The following PNPLA1 variants were observed in gnomAD, a reference collection of about 807,000 sequenced individuals.
The protein encoded by PNPLA1 is patatin like domain 1, omega-hydroxyceramide transacylase, also known as omega-hydroxyceramide transacylase.
PNPLA1 carries 36 observed loss-of-function variants against 51.7 expected under a neutral mutation model. That is an observed-to-expected ratio of 0.70 (90% CI 0.53 to 0.92). The LOEUF (loss-of-function observed/expected upper bound fraction) is 0.92. Among genes scored for constraint, PNPLA1 ranks in the 40% least tolerant of loss-of-function variants. The pLI, the probability that PNPLA1 is intolerant of heterozygous loss-of-function variation, is 0.00. For synonymous variants in PNPLA1, 293 were observed against 280.1 expected, an observed-to-expected ratio of 1.05 and a Z score of -0.46; for missense variants, 658 against 682.5, an observed-to-expected ratio of 0.96 and a Z score of 0.40.
At chr6:36,297,773 C>T (rs1770902706) in intron 5 of PNPLA1, among the ~76,000 whole-genome samples, 1 of 152,144 alleles carries the variant, frequency 6.6e-6, no homozygotes, top group Non-Finnish European at 1.5e-5. Context: ...ATCCATCCGG[C>T]ATTCAGGCAT....
intron 6 of PNPLA1, among the ~76,000 whole-genome samples, chr6:36,303,308 T>C (rs1429572179): frequency 1.3e-5 from 2 of 152,188 alleles, no homozygotes; most frequent in Non-Finnish European, 2.9e-5. Flanking sequence ...TTAGCCAGGA[T>C]GGTCTCAATC....
Position 36,294,034 on chromosome 6 carries a change from A to G in PNPLA1, c.505-156A>G, listed in dbSNP as rs1158934031. On this transcript the variant is annotated intron_variant, in intron 3 of 8. Transcript: ENST00000636260. The surrounding 1 kb of genome is among the most constrained non-coding windows in gnomAD (Gnocchi z 4.2). The stretch of plus-strand genomic sequence containing the variant: ...ACCAGGGGCACACCACGCACCCACC[A>G]GGACCTCCGTCTCCAGGCTTATCCT... 1.2e-5 allele frequency: 10 copies of G among 834,068 alleles called. No individual in the cohort carries two copies. The South Asian group carries it at 1.2e-4, about 10-fold the overall frequency. The allele number at this position is 834,068 out of a possible 1,614,324, so 51.7% of individuals were successfully genotyped here. A position where few individuals can be genotyped will look rare whatever the true frequency, so the allele number is the denominator to read the frequency against.
At chr6:36,266,815 G>A (rs1223051047), upstream of PNPLA1, among the ~76,000 whole-genome samples, 1 of 152,194 alleles carries the variant, frequency 6.6e-6, no homozygotes. Flanking sequence ...AGGTGACATC[G>A]TTTTGGCAAG....
intron 1 of PNPLA1, among the ~76,000 whole-genome samples, chr6:36,260,732 T>C (rs561664940): frequency 9.9e-5 from 15 of 152,234 alleles, no homozygotes; most frequent in African/African-American, 3.6e-4. Flanking sequence ...ATCATACAGA[T>C]GAATCCACAT....
chr6:36,247,013 C>A (rs1769304212), intron 1 of PNPLA1, among the ~76,000 whole-genome samples: 1 of 152,216 alleles, frequency 6.6e-6, no homozygotes, highest in Non-Finnish European at 1.5e-5. Flanking sequence ...CGTCCTCTCT[C>A]CAGCTCCTCC....
intron 1 of PNPLA1, among the ~76,000 whole-genome samples, chr6:36,262,983 T>C (rs149924355): frequency 6.6e-6 from 1 of 152,378 alleles, no homozygotes; most frequent in Non-Finnish European, 1.5e-5. Flanking sequence ...CCTGCAAGTA[T>C]TGATTTTTAA....
intron 1 of PNPLA1, among the ~76,000 whole-genome samples, chr6:36,257,951 A>G (rs1404563353): frequency 1.3e-5 from 2 of 152,172 alleles, no homozygotes; most frequent in Non-Finnish European, 2.9e-5. Flanking sequence ...TCAAACTGAA[A>G]ATGCTCTTCC....
intron 1 of PNPLA1, among the ~76,000 whole-genome samples, chr6:36,247,527 C>T (rs114060489): frequency 0.013 from 2,011 of 152,300 alleles, 42 homozygotes; most frequent in African/African-American, 0.045. Flanking sequence ...ATATCTGGTA[C>T]ATAGTAAGTG....
chr6:36,293,119 G>A lies in PNPLA1; in HGVS notation c.497G>A (p.Arg166His), dbSNP rs376317666. The change falls in exon 3 of 9, where the codon CGC becomes CAC. Residue 166 changes from arginine (R) to histidine (H), a missense_variant. Coordinates refer to ENST00000636260, the MANE Select transcript of PNPLA1 (RefSeq NM_001374623.1). ...TGTGGCCTCATCCCCCCGACTTACCGCGGTGTGGTGAGTGCTTCGGCATGG... is the reference window on the plus strand; with the variant it reads ...TGTGGCCTCATCCCCCCGACTTACCACGGTGTGGTGAGTGCTTCGGCATGG... ...VYCGLIPPTY[R>H]GVRYIDGGFT... 1.7e-5 allele frequency: 27 copies of A among 1,613,834 alleles called. No individual in the cohort carries two copies. The highest frequency in any genetic ancestry group is 2.2e-5 in the South Asian group (2 of 91,080).
chr6:36,302,527 A>G, intron 6 of PNPLA1, 58 bp downstream of exon 6: 1 of 1,510,024 alleles, frequency 6.6e-7, no homozygotes, highest in South Asian at 1.3e-5. Flanking sequence ...TTGGCAAGCG[A>G]GCAAGGACAC....
rs188835571 is a variant in PNPLA1 at position 36,274,254 on chromosome 6, C to T, written c.205+3590C>T. On this transcript the variant is annotated intron_variant, in intron 1 of 8. Transcript: ENST00000636260. Reference sequence around the variant, plus strand: ...GTCACACAGATAGCACTTGGTAAAGCTAGAATTCGAACTCAGTCTGGCCAA... The same window carrying T: ...GTCACACAGATAGCACTTGGTAAAGTTAGAATTCGAACTCAGTCTGGCCAA... Among the ~76,000 whole-genome samples, 185 of 152,226 alleles carry T rather than the reference C, an allele frequency of 1.2e-3. 3 individuals carry two copies. The South Asian group carries it at 0.031, about 25-fold the overall frequency.
chr6:36,250,381 A>C (rs1203008339), intron 1 of PNPLA1, among the ~76,000 whole-genome samples: 1 of 152,204 alleles, frequency 6.6e-6, no homozygotes, highest in Non-Finnish European at 1.5e-5. Context: ...TGAGAATATC[A>C]TGGTGTAAGG....
chr6:36,284,293 TAGA>T (rs761089788), intron 1 of PNPLA1, among the ~76,000 whole-genome samples: 4 of 152,238 alleles, frequency 2.6e-5, no homozygotes, highest in Non-Finnish European at 5.9e-5. Flanking sequence ...CTCTTAGGGT[TAGA>T]AGAAGGTCTA....
intron 7 of PNPLA1, among the ~76,000 whole-genome samples, chr6:36,306,663 C>T (rs549597236): frequency 6.6e-6 from 1 of 152,248 alleles, no homozygotes; most frequent in African/African-American, 2.4e-5. Context: ...AATGTGCATC[C>T]CCTGCCCTCA....
At chr6:36,298,439 G>A (rs749562365) in intron 5 of PNPLA1, among the ~76,000 whole-genome samples, 1 of 152,038 alleles carries the variant, frequency 6.6e-6, no homozygotes, top group Non-Finnish European at 1.5e-5. Flanking sequence ...AAAAAAACAC[G>A]TAACAAATTT....
rs78784816 is a variant in PNPLA1, at chr6:36,279,289, G to A, written c.205+8625G>A. 1.2e-3 allele frequency among the ~76,000 whole-genome samples: 183 copies of A among 152,372 alleles called. 1 individual carries two copies. The highest frequency in any genetic ancestry group is 4.2e-3 in the African/African-American group (173 of 41,588). ...TCTCCCATGGAGACAGAGCACTGGAGAAGTGTTTTGGTTGGCCTCCCACAC... is the reference window on the plus strand; with the variant it reads ...TCTCCCATGGAGACAGAGCACTGGAAAAGTGTTTTGGTTGGCCTCCCACAC... On this transcript the variant is annotated intron_variant, in intron 1 of 8. Transcript: ENST00000636260.
At chr6:36,254,969 A>G (rs1280897384) in intron 1 of PNPLA1, among the ~76,000 whole-genome samples, 1 of 152,192 alleles carries the variant, frequency 6.6e-6, no homozygotes. Flanking sequence ...ATTGAAAACA[A>G]TGACCTAGTG....
intron 5 of PNPLA1, among the ~76,000 whole-genome samples, chr6:36,301,385 T>C (rs923804623): frequency 1.3e-5 from 2 of 152,096 alleles, no homozygotes; most frequent in African/African-American, 4.8e-5. Flanking sequence ...GTCCGGCCCC[T>C]GCCGCCTCCT....
intron 1 of PNPLA1, among the ~76,000 whole-genome samples, chr6:36,276,872 G>T (rs961084080): frequency 2.0e-5 from 3 of 152,176 alleles, no homozygotes; most frequent in Non-Finnish European, 4.4e-5. Flanking sequence ...TGATCTTGCT[G>T]CAAGGAGCTT....
Sources: gnomAD v4.1 joint callset for allele counts (sites outside exome capture counted in the v4.1 genomes callset) on GRCh38, gnomAD v4.1.1 for gene constraint, Gnocchi (gnomAD v3.1) non-coding constraint, MANE v1.5 for transcripts, NCBI Gene and HGNC (gene_info 2026-07-23, HGNC 2026-07-21) for gene names.